Variants in UTRN observed in about 807,000 individuals in gnomAD.
The protein encoded by UTRN is utrophin, also known as dystrophin-related protein 1.
Under a neutral mutation model 463.9 loss-of-function variants are expected in UTRN, and 283 were observed. The observed-to-expected ratio is 0.61, with a 90% confidence interval of 0.55 to 0.67. The LOEUF is 0.67. Among genes scored for constraint, UTRN ranks in the 30% least tolerant of loss-of-function variants. The pLI, the probability that UTRN is intolerant of heterozygous loss-of-function variation, is 0.00. For synonymous variants in UTRN, 1,442 were observed against 1,431.5 expected (o/e 1.01, Z -0.17); for missense variants, 3,922 against 4,084.3 (o/e 0.96, Z 1.08).
At chr6:144,848,707 A>G (rs1782229929) in intron 74 of UTRN, among the ~76,000 whole-genome samples, 2 of 152,198 alleles carry the variant, frequency 1.3e-5, no homozygotes, top group South Asian at 4.1e-4. Context: ...GGACAGGACC[A>G]TTGGAGGAAA....
chr6:144,781,565 C>T (rs902320948), intron 60 of UTRN, among the ~76,000 whole-genome samples: 1 of 152,024 alleles, frequency 6.6e-6, no homozygotes, highest in Non-Finnish European at 1.5e-5. Flanking sequence ...ATTTGAGATG[C>T]GCTGCCATTT....
chr6:144,628,730 G>C (rs368473197), intron 51 of UTRN, among the ~76,000 whole-genome samples: 18 of 152,278 alleles, frequency 1.2e-4, no homozygotes, highest in East Asian at 1.2e-3. Context: ...TGACTATTAA[G>C]GGTTCTTACA....
Position 144,570,095 on chromosome 6 carries a change from G to A in UTRN, c.7290-7004G>A, listed in dbSNP as rs1918750. Among the ~76,000 whole-genome samples the A allele has an allele frequency of 2.5e-3, 378 of 152,218 alleles. 13 individuals are homozygous for A. The East Asian group carries it at 0.058, about 24-fold the overall frequency. On this transcript the variant is annotated intron_variant, in intron 50 of 74. Coordinates refer to ENST00000367545, the MANE Select transcript of UTRN (RefSeq NM_007124.3). ...AAGTTTGTGGTTATTTATGATAGCA[G>A]CAATGAAACACCAATAGCCATGGTA... is the stretch of plus-strand genomic sequence containing the variant.
At chr6:144,850,272 G>A (rs535929855) in intron 74 of UTRN, among the ~76,000 whole-genome samples, 1 of 152,144 alleles carries the variant, frequency 6.6e-6, no homozygotes, top group Non-Finnish European at 1.5e-5. Flanking sequence ...TGCTTCCAGG[G>A]AGCAGGATAA....
chr6:144,797,363 TG>T (rs1236576025), intron 63 of UTRN, among the ~76,000 whole-genome samples: 1 of 151,972 alleles, frequency 6.6e-6, no homozygotes, highest in African/African-American at 2.4e-5. Flanking sequence ...TAATTTTGTG[TG>T]TGTGTGTTTT....
At chr6:144,792,259 G>T (rs1362144765) in intron 62 of UTRN, among the ~76,000 whole-genome samples, 1 of 152,062 alleles carries the variant, frequency 6.6e-6, no homozygotes, top group Non-Finnish European at 1.5e-5. Context: ...TAAAAAGAGA[G>T]AATGGACCAG....
chr6:144,765,109 C>T (rs762714162), intron 58 of UTRN, among the ~76,000 whole-genome samples: 2 of 152,184 alleles, frequency 1.3e-5, no homozygotes, highest in Non-Finnish European at 2.9e-5. Context: ...ATCAAGCTAG[C>T]AGATCCCCTG....
chr6:144,764,047 C>T (rs553512226), intron 58 of UTRN, among the ~76,000 whole-genome samples: 2 of 152,228 alleles, frequency 1.3e-5, no homozygotes, highest in South Asian at 4.1e-4. Context: ...GCAAAATGTA[C>T]TGGAGAGTCT....
At chr6:144,648,018 A>T (rs1309183692) in intron 51 of UTRN, among the ~76,000 whole-genome samples, 3 of 152,170 alleles carry the variant, frequency 2.0e-5, no homozygotes, top group Non-Finnish European at 1.5e-5. Context: ...TATACTTCTT[A>T]CTTAACATTA....
At chr6:144,288,551 T>C (rs543791818) in intron 1 of UTRN, among the ~76,000 whole-genome samples, 1 of 152,282 alleles carries the variant, frequency 6.6e-6, no homozygotes, top group South Asian at 2.1e-4. Flanking sequence ...AACAAAGTTT[T>C]TGATTCTTGA....
At chr6:144,637,755 C>G (rs950273523) in intron 51 of UTRN, among the ~76,000 whole-genome samples, 1 of 152,166 alleles carries the variant, frequency 6.6e-6, no homozygotes, top group African/African-American at 2.4e-5. Context: ...TTCTGCTTTT[C>G]TGTTAGCTTT....
intron 65 of UTRN, among the ~76,000 whole-genome samples, chr6:144,806,911 A>C (rs1174252435): frequency 6.6e-6 from 1 of 152,142 alleles, no homozygotes; most frequent in Non-Finnish European, 1.5e-5. Context: ...CTTTCTGTTC[A>C]CCCACATTCT....
At chr6:144,335,053 T>C (rs1776618169) in intron 2 of UTRN, among the ~76,000 whole-genome samples, 1 of 152,258 alleles carries the variant, frequency 6.6e-6, no homozygotes, top group African/African-American at 2.4e-5. Context: ...CTATAGTTCA[T>C]TGACAACCTC....
chr6:144,595,141 A>G (rs1803508715), intron 51 of UTRN, among the ~76,000 whole-genome samples: 1 of 152,204 alleles, frequency 6.6e-6, no homozygotes, highest in African/African-American at 2.4e-5. Flanking sequence ...ATCTTATGTA[A>G]TACCCAAGTG....
At chr6:144,675,600 G>A (rs1225776562) in intron 51 of UTRN, among the ~76,000 whole-genome samples, 1 of 152,126 alleles carries the variant, frequency 6.6e-6, no homozygotes, top group African/African-American at 2.4e-5. Flanking sequence ...GCCAGGAGGT[G>A]GTGCTTTCAA....
intron 29 of UTRN, 23 bp from the exon 30 acceptor site, chr6:144,488,650 G>C: frequency 1.9e-6 from 3 of 1,605,202 alleles, no homozygotes; most frequent in Non-Finnish European, 2.6e-6. Context: ...GGCAACTAAT[G>C]ATTCAATTTC....
intron 72 of UTRN, 90 bp downstream of exon 72, chr6:144,839,374 A>G (rs1167316020): frequency 9.8e-7 from 1 of 1,017,532 alleles, no homozygotes; most frequent in Non-Finnish European, 1.5e-6. Flanking sequence ...ATTCCTACAC[A>G]CTGGTGCCTT....
At chr6:144,560,748 T>C (rs1391881373) in intron 50 of UTRN, among the ~76,000 whole-genome samples, 1 of 152,140 alleles carries the variant, frequency 6.6e-6, no homozygotes, top group East Asian at 1.9e-4. Context: ...ATAACAGAAA[T>C]CTTTGAATTA....
chr6:144,557,155 A>G lies in UTRN; in HGVS notation c.7135-2A>G, dbSNP rs777346427. Reference sequence around the variant, plus strand: ...ACAAACAGACCTGCACTTGCACCTCAGATACTGCTTCAAGAACTGGGTCCT... The same window carrying G: ...ACAAACAGACCTGCACTTGCACCTCGGATACTGCTTCAAGAACTGGGTCCT... On this transcript the variant is annotated splice_acceptor_variant, in intron 49 of 74. Coordinates refer to ENST00000367545, the MANE Select transcript of UTRN (RefSeq NM_007124.3). LOFTEE classifies it high-confidence loss of function. The G allele has an allele frequency of 6.2e-7, 1 of 1,613,374 alleles. No homozygotes were observed. The highest frequency in any genetic ancestry group is 8.5e-7 in the Non-Finnish European group (1 of 1,179,602).
Sources: gnomAD v4.1 joint callset for allele counts (sites outside exome capture counted in the v4.1 genomes callset) on GRCh38, gnomAD v4.1.1 for gene constraint, MANE v1.5 for transcripts, NCBI Gene and HGNC (gene_info 2026-07-23, HGNC 2026-07-21) for gene names.